PKIA: variants seen among roughly 807,000 people sequenced by gnomAD.
The protein encoded by PKIA is PKI-alpha.
In PKIA, 4 loss-of-function variants were observed where a neutral mutation model predicts 7.6. The observed-to-expected ratio is 0.52, with a 90% confidence interval of 0.26 to 1.20. The LOEUF (loss-of-function observed/expected upper bound fraction) is 1.20, where lower values mean the gene tolerates loss of function less well. Among genes scored for constraint, PKIA ranks in the 50% most tolerant of loss-of-function variants. PKIA has a pLI of 0.13. For missense variants in PKIA, 73 were observed against 86.2 expected (o/e 0.85, Z 0.61); for synonymous variants, 21 against 30.7 (o/e 0.68, Z 1.04).
intron 2 of PKIA, among the ~76,000 whole-genome samples, chr8:78,580,706 T>C (rs567461454): frequency 1.2e-4 from 18 of 152,104 alleles, no homozygotes; most frequent in South Asian, 6.2e-4. Context: ...GCAACAATAA[T>C]TTGTTAAAAT....
chr8:78,550,358 A>C (rs746259294), intron 1 of PKIA, among the ~76,000 whole-genome samples: 1 of 152,138 alleles, frequency 6.6e-6, no homozygotes, highest in Non-Finnish European at 1.5e-5. Context: ...GGTCTATCAG[A>C]AAGACATTCT....
intron 1 of PKIA, among the ~76,000 whole-genome samples, chr8:78,560,698 A>G (rs559723997): frequency 6.6e-6 from 1 of 152,304 alleles, no homozygotes; most frequent in East Asian, 1.9e-4. Flanking sequence ...AAAACCATGA[A>G]GAACATGAGA....
intron 1 of PKIA, among the ~76,000 whole-genome samples, chr8:78,543,702 G>A (rs780144283): frequency 5.9e-5 from 9 of 152,112 alleles, no homozygotes; most frequent in South Asian, 2.1e-4. Flanking sequence ...GTTTTCCTCC[G>A]TCACCTACCT....
chr8:78,580,464 G>A (rs527856842), intron 2 of PKIA, among the ~76,000 whole-genome samples: 1 of 152,070 alleles, frequency 6.6e-6, no homozygotes, highest in South Asian at 2.1e-4. Context: ...GTAAGCCTTT[G>A]TCACCATGGG....
intron 1 of PKIA, among the ~76,000 whole-genome samples, chr8:78,532,509 C>CAAAA (rs531910650): frequency 2.0e-5 from 2 of 101,426 alleles, no homozygotes; most frequent in African/African-American, 6.8e-5. Flanking sequence ...GACTCCATCT[C>CAAAA]AAAAAAAAAA....
chr8:78,536,357 AG>A (rs1179432216), intron 1 of PKIA, among the ~76,000 whole-genome samples: 3 of 152,140 alleles, frequency 2.0e-5, no homozygotes, highest in African/African-American at 7.2e-5. Context: ...AAAGAAGTAC[AG>A]CTGCCTCAGA....
intron 2 of PKIA, among the ~76,000 whole-genome samples, chr8:78,585,107 T>A (rs1807916974): frequency 2.0e-5 from 3 of 152,122 alleles, no homozygotes; most frequent in South Asian, 4.1e-4. Context: ...TGTTACCTTA[T>A]AAAAAATTTT....
chr8:78,573,496 T>A (rs1807604081), intron 2 of PKIA, among the ~76,000 whole-genome samples: 1 of 151,882 alleles, frequency 6.6e-6, no homozygotes, highest in Admixed American at 6.6e-5. Context: ...TCTATGCACA[T>A]CAGCATCCCA....
chr8:78,563,479 G>A (rs942675711), intron 1 of PKIA, among the ~76,000 whole-genome samples: 1 of 151,872 alleles, frequency 6.6e-6, no homozygotes, highest in African/African-American at 2.4e-5. Context: ...AAGGTGGGGT[G>A]GTAAAATATA....
chr8:78,532,441 C>T (rs759324308), intron 1 of PKIA, among the ~76,000 whole-genome samples: 2 of 149,084 alleles, frequency 1.3e-5, no homozygotes, highest in African/African-American at 5.0e-5. Context: ...TTTTTCTAGG[C>T]GGAGCTTGCA....
Position 78,528,785 on chromosome 8 carries a change from C to T in PKIA, c.-157+12317C>T, listed in dbSNP as rs558694871. Among the ~76,000 whole-genome samples the T allele has an allele frequency of 1.5e-4, 22 of 151,276 alleles. No individual in the cohort carries two copies. In the South Asian group the frequency reaches 4.0e-3, roughly 27 times the overall value. ...AGTTAGAGAACAGCTGGTACTGTAGCGAGACCTCGTCTATAAAAAAAAAAA... is the reference window on the plus strand; with the variant it reads ...AGTTAGAGAACAGCTGGTACTGTAGTGAGACCTCGTCTATAAAAAAAAAAA... On this transcript the variant is annotated intron_variant, in intron 1 of 3. Coordinates refer to ENST00000396418, the MANE Select transcript of PKIA (RefSeq NM_006823.4).
chr8:78,580,858 T>C (rs1807788132), intron 2 of PKIA, among the ~76,000 whole-genome samples: 1 of 152,008 alleles, frequency 6.6e-6, no homozygotes, highest in Non-Finnish European at 1.5e-5. Flanking sequence ...GGAATGAAAG[T>C]GCTGGTTTTC....
intron 1 of PKIA, among the ~76,000 whole-genome samples, chr8:78,536,389 A>G (rs890312455): frequency 1.3e-5 from 2 of 152,134 alleles, no homozygotes; most frequent in East Asian, 3.9e-4. Context: ...GGCTATGAAA[A>G]TAAAGGAAAA....
At chr8:78,522,601 G>A (rs979908896) in intron 1 of PKIA, among the ~76,000 whole-genome samples, 4 of 151,814 alleles carry the variant, frequency 2.6e-5, no homozygotes, top group Non-Finnish European at 5.9e-5. Flanking sequence ...TTCATTTCCA[G>A]TTCATGGAGG....
intron 1 of PKIA, among the ~76,000 whole-genome samples, chr8:78,570,033 C>T (rs1307635142): frequency 6.6e-6 from 1 of 152,026 alleles, no homozygotes; most frequent in Non-Finnish European, 1.5e-5. Flanking sequence ...ACTCAGGAAC[C>T]TGTGGAACGA....
chr8:78,540,853 T>C (rs954385919), intron 1 of PKIA, among the ~76,000 whole-genome samples: 3 of 152,042 alleles, frequency 2.0e-5, no homozygotes, highest in Non-Finnish European at 4.4e-5. Context: ...ATTAGTTTTC[T>C]TCCCAAAGGA....
At position 78,573,430 on chromosome 8, in the gene PKIA, G is replaced by A. The variant is rs185909046; in HGVS notation, c.-28+491G>A. On this transcript the variant is annotated intron_variant, in intron 2 of 3. Coordinates refer to ENST00000396418, the MANE Select transcript of PKIA (RefSeq NM_006823.4). ...GGGACAATCAAAGTGAGCACGTATAGGGAGTTGAAAGGGAGGTGAATGGAG... is the reference window on the plus strand; with the variant it reads ...GGGACAATCAAAGTGAGCACGTATAAGGAGTTGAAAGGGAGGTGAATGGAG... Among the ~76,000 whole-genome samples, 526 of 152,044 alleles carry A rather than the reference G, an allele frequency of 3.5e-3. 4 individuals carry two copies. The highest frequency in any genetic ancestry group is 0.012 in the African/African-American group (486 of 41,508).
chr8:78,591,601 C>T (rs1808096424), intron 2 of PKIA, among the ~76,000 whole-genome samples: 1 of 152,072 alleles, frequency 6.6e-6, no homozygotes, highest in Non-Finnish European at 1.5e-5. Context: ...GAGATTTATG[C>T]TTTAAAATTT....
chr8:78,600,602 C>A (rs1808329925), intron 3 of PKIA, among the ~76,000 whole-genome samples: 1 of 152,102 alleles, frequency 6.6e-6, no homozygotes, highest in African/African-American at 2.4e-5. Context: ...GTTCTTGTTG[C>A]ATGCTTAATT....
Sources: gnomAD v4.1 joint callset for allele counts (sites outside exome capture counted in the v4.1 genomes callset) on GRCh38, gnomAD v4.1.1 for gene constraint, MANE v1.5 for transcripts, NCBI Gene and HGNC (gene_info 2026-07-23, HGNC 2026-07-21) for gene names.